The following NTN4 variants were observed in gnomAD, a reference collection of about 807,000 sequenced individuals.
The protein encoded by NTN4 is netrin 4.
A neutral mutation model predicts 73.6 loss-of-function variants in NTN4; 32 were observed. That is an observed-to-expected ratio of 0.44 (90% confidence interval 0.33 to 0.58). The LOEUF (loss-of-function observed/expected upper bound fraction) is 0.58. NTN4 is among the 20% of genes least tolerant of loss of function. The pLI, the probability that NTN4 is intolerant of heterozygous loss-of-function variation, is 0.04. For synonymous variants in NTN4, 258 were observed against 287.5 expected (o/e 0.90, Z 1.04); for missense variants, 654 against 798.3 (o/e 0.82, Z 2.18).
intron 2 of NTN4, among the ~76,000 whole-genome samples, chr12:95,759,738 A>G (rs2078973119): frequency 6.6e-6 from 1 of 152,116 alleles, no homozygotes; most frequent in Non-Finnish European, 1.5e-5. Flanking sequence ...CTGGGATTAC[A>G]GGTGTGAGCC....
At chr12:95,759,946 G>A (rs2078974983) in intron 2 of NTN4, among the ~76,000 whole-genome samples, 1 of 151,996 alleles carries the variant, frequency 6.6e-6, no homozygotes, top group African/African-American at 2.4e-5. Flanking sequence ...TGTAATTTCT[G>A]GATGTTCTTA....
At chr12:95,713,126 T>A (rs2078577618) in intron 4 of NTN4, 86 bp downstream of exon 4, 27 of 1,498,668 alleles carry the variant, frequency 1.8e-5, no homozygotes, top group Non-Finnish European at 2.5e-5. Context: ...CACCACTTTG[T>A]GTTGTATTTC....
chr12:95,688,053 G>A (rs1042275703), intron 5 of NTN4, among the ~76,000 whole-genome samples: 7 of 152,170 alleles, frequency 4.6e-5, no homozygotes, highest in Admixed American at 3.3e-4. Context: ...AGCTTTAGAG[G>A]TTGAATTTTG....
In NTN4 at chr12:95,737,925, C is replaced by A. The variant is rs752774819; in HGVS notation, c.805G>T (p.Asp269Tyr). ...AAGCCATGAACAGGTATGCATTGAT[C>A]AGCGTGGCCATTGCAGAAGCAGCTG... ...KGSCFCNGHA[D>Y]QCIPVHGFRP... Residue 269 changes from aspartate (D) to tyrosine (Y), a missense_variant, in exon 3 of 10, where the codon GAT becomes TAT. Coordinates refer to ENST00000343702, the MANE Select transcript of NTN4 (RefSeq NM_021229.4). 5.0e-6 allele frequency: 8 copies of A among 1,614,120 alleles called. No homozygotes were observed. The highest frequency in any genetic ancestry group is 6.8e-6 in the Non-Finnish European group (8 of 1,180,010).
At chr12:95,748,093 T>A (rs2078874732) in intron 2 of NTN4, among the ~76,000 whole-genome samples, 1 of 151,820 alleles carries the variant, frequency 6.6e-6, no homozygotes, top group Admixed American at 6.6e-5. Context: ...TAGCTAGGCA[T>A]GGTGGTACGC....
At chr12:95,739,259 G>C (rs1293999738) in intron 2 of NTN4, among the ~76,000 whole-genome samples, 1 of 152,116 alleles carries the variant, frequency 6.6e-6, no homozygotes, top group Non-Finnish European at 1.5e-5. Flanking sequence ...TTCGCATACT[G>C]AATTTCACGT....
At chr12:95,722,746 G>A (rs1185281768) in intron 3 of NTN4, among the ~76,000 whole-genome samples, 1 of 152,076 alleles carries the variant, frequency 6.6e-6, no homozygotes, top group African/African-American at 2.4e-5. Flanking sequence ...AGGCCAAGGC[G>A]GGCAGATCAC....
intron 2 of NTN4, among the ~76,000 whole-genome samples, chr12:95,746,741 G>T (rs963661733): frequency 2.0e-5 from 3 of 152,108 alleles, no homozygotes; most frequent in Admixed American, 2.0e-4. Flanking sequence ...CTTAAGTCAG[G>T]AAATCCATCG....
At chr12:95,709,536 C>CTA (rs2078546848) in intron 5 of NTN4, among the ~76,000 whole-genome samples, 1 of 138,144 alleles carries the variant, frequency 7.2e-6, no homozygotes, top group Non-Finnish European at 1.6e-5. Flanking sequence ...CTCTCTCTCT[C>CTA]TCTCTTTTTT....
intron 5 of NTN4, among the ~76,000 whole-genome samples, chr12:95,708,726 G>A (rs1429718798): frequency 6.6e-6 from 1 of 152,042 alleles, no homozygotes; most frequent in African/African-American, 2.4e-5. Flanking sequence ...CGTTTCTTGA[G>A]GGCTTATTCT....
intron 5 of NTN4, among the ~76,000 whole-genome samples, chr12:95,702,330 G>T (rs2078491528): frequency 6.7e-6 from 1 of 149,948 alleles, no homozygotes; most frequent in Non-Finnish European, 1.5e-5. Context: ...AAGAAATCAG[G>T]ACAAACTGTA....
chr12:95,742,250 C>CT (rs2078831959), intron 2 of NTN4, among the ~76,000 whole-genome samples: 1 of 151,908 alleles, frequency 6.6e-6, no homozygotes, highest in Non-Finnish European at 1.5e-5. Flanking sequence ...CATCCCAGCA[C>CT]TTTGGGAGGC....
At chr12:95,730,857 G>C (rs1265417204) in intron 3 of NTN4, among the ~76,000 whole-genome samples, 2 of 152,078 alleles carry the variant, frequency 1.3e-5, no homozygotes, top group African/African-American at 2.4e-5. Context: ...GCACTCCTTT[G>C]GTGACAGGAT....
intron 5 of NTN4, among the ~76,000 whole-genome samples, chr12:95,686,903 T>C (rs2078365379): frequency 6.6e-6 from 1 of 152,262 alleles, no homozygotes; most frequent in Non-Finnish European, 1.5e-5. Flanking sequence ...CACTATACAG[T>C]TGACCGTCTT....
chr12:95,691,136 T>C (rs1470476326), intron 5 of NTN4, among the ~76,000 whole-genome samples: 1 of 152,242 alleles, frequency 6.6e-6, no homozygotes, highest in African/African-American at 2.4e-5. Context: ...TGCATACTTA[T>C]CTCCTGAAGC....
intron 3 of NTN4, among the ~76,000 whole-genome samples, chr12:95,735,027 G>A (rs961045116): frequency 3.9e-5 from 6 of 152,024 alleles, no homozygotes; most frequent in East Asian, 1.9e-4. Flanking sequence ...CAACAAGAGC[G>A]AAACTCCATC....
At position 95,699,629 on chromosome 12, in the gene NTN4, GAA is replaced by G. The variant is rs35777947; in HGVS notation, c.1180+10810_1180+10811del. Among the ~76,000 whole-genome samples, 4 of 139,060 alleles carry G rather than the reference GAA, an allele frequency of 2.9e-5. 1 individual carries two copies. The highest frequency in any genetic ancestry group is 8.0e-5 in the African/African-American group (3 of 37,422). 91.2% of individuals were successfully genotyped at this position (139,060 alleles called of 152,430 possible). On this transcript the variant is annotated intron_variant, in intron 5 of 9. Transcript: ENST00000343702. Reference sequence around the variant, plus strand: ...AGTTTTCACCTAAGCCAGAAAGAAGGAAAAAAAAAAAAAGATCTGGATGATAT... The same window carrying G: ...AGTTTTCACCTAAGCCAGAAAGAAGGAAAAAAAAAAAGATCTGGATGATAT...
intron 1 of NTN4, among the ~76,000 whole-genome samples, chr12:95,787,888 T>A (rs555016816): frequency 2.6e-5 from 4 of 152,336 alleles, no homozygotes; most frequent in African/African-American, 9.6e-5. Context: ...AAAACCATAA[T>A]GTTTTTAAGA....
intron 3 of NTN4, among the ~76,000 whole-genome samples, chr12:95,728,857 T>A (rs2078714702): frequency 6.6e-6 from 1 of 152,180 alleles, no homozygotes; most frequent in South Asian, 2.1e-4. Flanking sequence ...ACCATTCCCC[T>A]TGGCACTGCC....
Sources: gnomAD v4.1 joint callset for allele counts (sites outside exome capture counted in the v4.1 genomes callset) on GRCh38, gnomAD v4.1.1 for gene constraint, MANE v1.5 for transcripts, NCBI Gene and HGNC (gene_info 2026-07-23, HGNC 2026-07-21) for gene names.